CHSY1: variants seen among roughly 807,000 people sequenced by gnomAD.
CHSY1 encodes N-acetylgalactosaminyl-proteoglycan 3-beta-glucuronosyltransferase 1.
CHSY1 carries 13 observed loss-of-function variants against 59.8 expected under a neutral mutation model. The observed-to-expected ratio is 0.22, with a 90% CI of 0.14 to 0.35. The LOEUF (loss-of-function observed/expected upper bound fraction) is 0.35. Among genes scored for constraint, CHSY1 ranks in the 10% least tolerant of loss-of-function variants. The pLI is 1.00. For synonymous variants in CHSY1, 459 were observed against 401.2 expected (o/e 1.14, Z -1.72); for missense variants, 947 against 1,030.6 (o/e 0.92, Z 1.11).
intron 2 of CHSY1, among the ~76,000 whole-genome samples, chr15:101,185,667 T>C (rs915642121): frequency 1.3e-5 from 2 of 151,972 alleles, no homozygotes; most frequent in South Asian, 2.1e-4. Context: ...TACTGAACTT[T>C]TGAATCCCCT....
In CHSY1 at chr15:101,177,485, T is replaced by C. The variant is rs748878706; in HGVS notation, c.2312A>G (p.Tyr771Cys). 34 of 1,613,556 alleles carry C rather than the reference T, an allele frequency of 2.1e-5. No homozygotes were observed. Among genetic ancestry groups the C allele is most frequent in the African/African-American group, 9.3e-5 (7 of 74,910 alleles). ...CTCAGCCAGCTGCTGGGTGGACCCA[T>C]AGGTCGATGCTTTGGACCCCAAGCA... ...KMCLGSKAST[Y>C]GSTQQLAEMW... Residue 771 changes from tyrosine (Y) to cysteine (C), a missense_variant, in exon 3 of 3, where the codon TAT becomes TGT. Tyr to Cys is a radical substitution (Grantham distance 194, BLOSUM62 -2). Transcript: ENST00000254190.
intron 1 of CHSY1, among the ~76,000 whole-genome samples, chr15:101,244,037 T>C (rs1050376784): frequency 6.6e-6 from 1 of 152,230 alleles, no homozygotes. Context: ...AGACTGGACC[T>C]TATTTGTAAT....
At chr15:101,204,251 T>A (rs2038601938) in intron 2 of CHSY1, among the ~76,000 whole-genome samples, 1 of 152,020 alleles carries the variant, frequency 6.6e-6, no homozygotes, top group Admixed American at 6.6e-5. Context: ...CTGGCCAATA[T>A]GGCGAAACCC....
At chr15:101,239,282 T>C (rs1366601682) in intron 1 of CHSY1, among the ~76,000 whole-genome samples, 1 of 152,254 alleles carries the variant, frequency 6.6e-6, no homozygotes, top group Non-Finnish European at 1.5e-5. Flanking sequence ...ATTTCTATCT[T>C]GTACTTTGAG....
At chr15:101,239,105 T>C (rs946215919) in intron 1 of CHSY1, among the ~76,000 whole-genome samples, 2 of 152,222 alleles carry the variant, frequency 1.3e-5, no homozygotes, top group African/African-American at 4.8e-5. Context: ...GCTCTCTTTA[T>C]AGAGAAATGT....
intron 2 of CHSY1, among the ~76,000 whole-genome samples, chr15:101,179,456 A>G (rs1169638475): frequency 1.3e-5 from 2 of 152,214 alleles, no homozygotes; most frequent in African/African-American, 2.4e-5. Context: ...GCGAAGGAGT[A>G]CCCTGCTTCC....
chr15:101,186,542 A>AC (rs1036062477), intron 2 of CHSY1: 14 of 152,210 alleles, frequency 9.2e-5, no homozygotes, highest in African/African-American at 3.4e-4. Flanking sequence ...GGTGGCTCAC[A>AC]CCTGTAACCT....
At position 101,178,346 on chromosome 15, in the gene CHSY1, T is replaced by A. The variant is rs771638136; in HGVS notation, c.1451A>T (p.Glu484Val). Residue 484 changes from glutamate to valine, a missense_variant, in exon 3 of 3, where the codon GAG becomes GTG. Around this residue, in one of 4 missense-constraint regions of CHSY1, gnomAD observed 602 missense variants for 676.9 expected, o/e 0.89. Transcript: ENST00000254190. ...CTCTTGTGCATCCAGCTCCTCATGCTCCACAAACTGGATTTTGCTGAAAGT... is the reference window on the plus strand; with the variant it reads ...CTCTTGTGCATCCAGCTCCTCATGCACCACAAACTGGATTTTGCTGAAAGT... ...QQTFSKIQFV[E>V]HEELDAQELA... 3 of 1,607,850 alleles carry A rather than the reference T, an allele frequency of 1.9e-6. No individual in the cohort carries two copies. The highest frequency in any genetic ancestry group is 2.6e-6 in the Non-Finnish European group (3 of 1,174,946).
intron 1 of CHSY1, among the ~76,000 whole-genome samples, chr15:101,248,015 C>T (rs1193007175): frequency 6.6e-6 from 1 of 152,166 alleles, no homozygotes; most frequent in African/African-American, 2.4e-5. Flanking sequence ...GCATCTCCTT[C>T]ATCTATAAGC....
intron 2 of CHSY1, among the ~76,000 whole-genome samples, chr15:101,215,523 TC>T (rs2038723072): frequency 6.6e-6 from 1 of 152,170 alleles, no homozygotes; most frequent in Admixed American, 6.5e-5. Flanking sequence ...TCACCTGAGG[TC>T]AGCAGTTCAA....
At chr15:101,209,101 T>G (rs2038657509) in intron 2 of CHSY1, among the ~76,000 whole-genome samples, 1 of 152,088 alleles carries the variant, frequency 6.6e-6, no homozygotes, top group South Asian at 2.1e-4. Flanking sequence ...GAGAGTAACT[T>G]TACAGTGGAG....
chr15:101,200,356 A>G (rs899245618), intron 2 of CHSY1, among the ~76,000 whole-genome samples: 1 of 152,222 alleles, frequency 6.6e-6, no homozygotes, highest in African/African-American at 2.4e-5. Flanking sequence ...CAACGCGAAG[A>G]AGACACGGGC....
At chr15:101,221,882 CT>C (rs754726148) in intron 2 of CHSY1, among the ~76,000 whole-genome samples, 12 of 128,920 alleles carry the variant, frequency 9.3e-5, no homozygotes, top group East Asian at 2.0e-4. Context: ...TAGCTTTGTA[CT>C]TTTTTTTTTT....
At chr15:101,204,457 A>G (rs1384411360) in intron 2 of CHSY1, among the ~76,000 whole-genome samples, 1 of 144,370 alleles carries the variant, frequency 6.9e-6, no homozygotes, top group African/African-American at 2.5e-5. Context: ...TAATAATAAT[A>G]ATAATAATAA....
At chr15:101,225,612 C>T (rs1303416239) in intron 2 of CHSY1, among the ~76,000 whole-genome samples, 1 of 152,112 alleles carries the variant, frequency 6.6e-6, no homozygotes, top group Non-Finnish European at 1.5e-5. Flanking sequence ...CCACCCCCCT[C>T]CCCTTGCTCC....
At chr15:101,201,428 G>T (rs891274566) in intron 2 of CHSY1, among the ~76,000 whole-genome samples, 22 of 152,194 alleles carry the variant, frequency 1.4e-4, no homozygotes, top group Non-Finnish European at 1.5e-5. Context: ...GAAGAGAAAG[G>T]CTCACATGAG....
rs1193561451 is a variant in CHSY1 at position 101,228,528 on chromosome 15, C to G, written c.816+6554G>C. 2.0e-5 allele frequency among the ~76,000 whole-genome samples: 3 copies of G among 152,106 alleles called. No individual in the cohort carries two copies. In the East Asian group the frequency reaches 5.8e-4, roughly 29 times the overall value. On this transcript the variant is annotated intron_variant, in intron 2 of 2. Coordinates refer to ENST00000254190, the MANE Select transcript of CHSY1 (RefSeq NM_014918.5). ...ATAAGATTAACAACTGATTTCTTAT[C>G]AGAAACCATGAAGGCCAGAAAGCAT...
At chr15:101,232,665 A>G (rs1567105205) in intron 2 of CHSY1, among the ~76,000 whole-genome samples, 1 of 152,244 alleles carries the variant, frequency 6.6e-6, no homozygotes, top group Non-Finnish European at 1.5e-5. Context: ...GCGTACAATA[A>G]AAATCCCACA....
At position 101,218,005 on chromosome 15, in the gene CHSY1, T is replaced by C. The variant is rs28748061; in HGVS notation, c.816+17077A>G. Among the ~76,000 whole-genome samples, 1,131 of 152,336 alleles carry C rather than the reference T, an allele frequency of 7.4e-3. 11 individuals are homozygous for C. The highest frequency in any genetic ancestry group is 0.026 in the African/African-American group (1,079 of 41,570). On this transcript the variant is annotated intron_variant, in intron 2 of 2. Coordinates refer to ENST00000254190, the MANE Select transcript of CHSY1 (RefSeq NM_014918.5). ...CCATGCTGACGGTACGTACCCTTGA[T>C]ATGATGTGATGGAAATGGCATTTTA...
Sources: gnomAD v4.1 joint callset for allele counts (sites outside exome capture counted in the v4.1 genomes callset) on GRCh38, gnomAD v4.1.1 for gene constraint, gnomAD v4.1.1 regional missense constraint, MANE v1.5 for transcripts, NCBI Gene and HGNC (gene_info 2026-07-23, HGNC 2026-07-21) for gene names.